CNTN4: variants seen among roughly 807,000 people sequenced by gnomAD.
The protein encoded by CNTN4 is contactin-4.
CNTN4 carries 77 observed loss-of-function variants against 122.5 expected under a neutral mutation model. That is an observed-to-expected ratio of 0.63 (90% confidence interval 0.52 to 0.76). The LOEUF is 0.76. Among genes scored for constraint, CNTN4 ranks in the 30% least tolerant of loss-of-function variants. The pLI is 0.00. For missense variants in CNTN4, 1,256 were observed against 1,259.1 expected, an observed-to-expected ratio of 1.00 and a Z score of 0.04; for synonymous variants, 512 against 447.0, an observed-to-expected ratio of 1.15 and a Z score of -1.83.
At chr3:3,008,393 A>T (rs1240567140) in intron 14 of CNTN4, among the ~76,000 whole-genome samples, 4 of 152,204 alleles carry the variant, frequency 2.6e-5, no homozygotes, top group Admixed American at 6.5e-5. Flanking sequence ...TCAGAGTTGG[A>T]TTTTTTAAGA....
chr3:2,781,313 C>G lies in CNTN4; in HGVS notation c.358+35616C>G, dbSNP rs896080410. 1.7e-4 allele frequency among the ~76,000 whole-genome samples: 26 copies of G among 152,156 alleles called. No individual in the cohort carries two copies. The East Asian group carries it at 4.4e-3, about 26-fold the overall frequency. ...CATCTTGCAGGTTTATCATCATTAA[C>G]AAATCAAATGTAAAATGCTTTGCAA... is the stretch of plus-strand genomic sequence containing the variant. On this transcript the variant is annotated intron_variant, in intron 6 of 24. Transcript: ENST00000418658.
At chr3:2,152,866 A>G (rs2035556498) in intron 2 of CNTN4, among the ~76,000 whole-genome samples, 1 of 152,126 alleles carries the variant, frequency 6.6e-6, no homozygotes, top group Admixed American at 6.5e-5. Context: ...TTTTCATGAG[A>G]AGAGCTTTCC....
chr3:2,732,541 T>C (rs1219107605), intron 4 of CNTN4, among the ~76,000 whole-genome samples: 2 of 152,084 alleles, frequency 1.3e-5, no homozygotes, highest in Non-Finnish European at 2.9e-5. Flanking sequence ...TTCTAGGCTT[T>C]GAAAACGGTA....
rs542138404 is a variant in CNTN4 at position 2,709,642 on chromosome 3, G to A, written c.56-26573G>A. 5.1e-4 allele frequency among the ~76,000 whole-genome samples: 78 copies of A among 152,198 alleles called. No homozygotes were observed. The highest frequency in any genetic ancestry group is 6.5e-4 in the African/African-American group (27 of 41,524). On this transcript the variant is annotated intron_variant, in intron 4 of 24. Coordinates refer to ENST00000418658, the MANE Select transcript of CNTN4 (RefSeq NM_175607.3). This position sits in a 1 kb window ranked among gnomAD's most constrained non-coding sequence, Gnocchi z 5.0. The stretch of plus-strand genomic sequence containing the variant: ...TAAATTCCACAATGTGGCTGGGTGC[G>A]GTGGCTCTCACCTGTAACCGCAGCA...
Position 2,191,906 on chromosome 3 carries a change from T to A in CNTN4, c.-145+91267T>A, listed in dbSNP as rs200814308. Among the ~76,000 whole-genome samples the A allele has an allele frequency of 2.0e-4, 31 of 151,458 alleles. No individual in the cohort carries two copies. The East Asian group carries it at 5.9e-3, about 29-fold the overall frequency. On this transcript the variant is annotated intron_variant, in intron 2 of 24. Transcript: ENST00000418658. Reference sequence around the variant, plus strand: ...CCCCCCACTCCACAACAGGCCCCAGTGTCTGATGTTCCCCTTCCTGTGTCC... The same window carrying A: ...CCCCCCACTCCACAACAGGCCCCAGAGTCTGATGTTCCCCTTCCTGTGTCC...
chr3:2,731,887 C>G (rs41456546), intron 4 of CNTN4, among the ~76,000 whole-genome samples: 7,387 of 152,266 alleles, frequency 0.049, 189 homozygotes, highest in African/African-American at 0.061. Flanking sequence ...GATGCCTGCT[C>G]TTTGTCAATT....
intron 2 of CNTN4, among the ~76,000 whole-genome samples, chr3:2,287,967 G>T (rs932204357): frequency 1.3e-5 from 2 of 151,866 alleles, no homozygotes; most frequent in Non-Finnish European, 2.9e-5. Flanking sequence ...CATTTTTTTT[G>T]TGTTAACTTT....
chr3:2,480,253 GATGTTTTTAGCTA>G (rs532519693), intron 3 of CNTN4, among the ~76,000 whole-genome samples: 168 of 152,128 alleles, frequency 1.1e-3, no homozygotes, highest in African/African-American at 3.5e-3. Context: ...CATCATACTA[GATGTTTTTAGCTA>G]ATGCAACAAG....
At chr3:2,814,455 A>G (rs1285105336) in intron 6 of CNTN4, among the ~76,000 whole-genome samples, 2 of 152,212 alleles carry the variant, frequency 1.3e-5, no homozygotes, top group Non-Finnish European at 2.9e-5. Context: ...TCCTTGTTCA[A>G]CTTCACACTT....
At chr3:2,836,112 G>A (rs2093220239) in intron 7 of CNTN4, among the ~76,000 whole-genome samples, 1 of 151,938 alleles carries the variant, frequency 6.6e-6, no homozygotes, top group African/African-American at 2.4e-5. Flanking sequence ...TAAACATCCG[G>A]ATGAAATGAA....
intron 7 of CNTN4, among the ~76,000 whole-genome samples, chr3:2,824,317 T>A (rs568940185): frequency 9.9e-5 from 15 of 151,834 alleles, no homozygotes; most frequent in African/African-American, 3.4e-4. Context: ...CAAAAATTAG[T>A]CTGCTGGTGT....
chr3:3,048,194 G>T (rs942629778), intron 23 of CNTN4, among the ~76,000 whole-genome samples: 5 of 151,750 alleles, frequency 3.3e-5, no homozygotes, highest in Non-Finnish European at 7.4e-5. Flanking sequence ...GGTATCCACA[G>T]GTTCCATACT....
intron 2 of CNTN4, among the ~76,000 whole-genome samples, chr3:2,175,271 AT>A (rs11441226): frequency 6.7e-5 from 10 of 149,972 alleles, no homozygotes; most frequent in East Asian, 3.9e-4. Flanking sequence ...GTGACCTTGG[AT>A]TTTTTTTTTG....
At chr3:2,461,561 G>A (rs2049211735) in intron 3 of CNTN4, among the ~76,000 whole-genome samples, 1 of 152,120 alleles carries the variant, frequency 6.6e-6, no homozygotes, top group Non-Finnish European at 1.5e-5. Flanking sequence ...GCTCTTAACC[G>A]CTGTACCGAC....
intron 14 of CNTN4, among the ~76,000 whole-genome samples, chr3:3,005,979 A>G (rs894950856): frequency 4.1e-5 from 6 of 146,162 alleles, no homozygotes; most frequent in East Asian, 2.0e-4. Context: ...TCTGCCTCCC[A>G]GGTTCACGCC....
At chr3:2,907,651 A>T (rs538938521) in intron 12 of CNTN4, among the ~76,000 whole-genome samples, 1 of 152,306 alleles carries the variant, frequency 6.6e-6, no homozygotes, top group African/African-American at 2.4e-5. Context: ...TTGATTAAAT[A>T]TCAGGAACCT....
intron 4 of CNTN4, among the ~76,000 whole-genome samples, chr3:2,635,902 C>G (rs2082638313): frequency 6.6e-6 from 1 of 152,150 alleles, no homozygotes; most frequent in Non-Finnish European, 1.5e-5. Flanking sequence ...CAATGAGACA[C>G]CAGACCCCTC....
At chr3:2,524,011 G>A (rs766402198) in intron 3 of CNTN4, among the ~76,000 whole-genome samples, 8 of 152,058 alleles carry the variant, frequency 5.3e-5, no homozygotes, top group Non-Finnish European at 7.4e-5. Flanking sequence ...TAATTCTTAT[G>A]TCATACAACT....
At chr3:2,340,735 A>AGAGAGAGAGAGAGAGT (rs2044178579) in intron 3 of CNTN4, among the ~76,000 whole-genome samples, 1 of 93,248 alleles carries the variant, frequency 1.1e-5, no homozygotes, top group Non-Finnish European at 2.5e-5. Flanking sequence ...AGAGAGAGAG[A>AGAGAGAGAGAGAGAGT]GAGAGTCAGA....
Sources: allele counts gnomAD v4.1 joint callset (sites outside exome capture counted in the v4.1 genomes callset), GRCh38; gene constraint gnomAD v4.1.1; non-coding constraint Gnocchi (gnomAD v3.1); transcripts MANE v1.5; gene names NCBI Gene and HGNC (gene_info 2026-07-23, HGNC 2026-07-21).